The following HSD17B4 variants were observed in gnomAD, a reference collection of about 807,000 sequenced individuals.
HSD17B4 encodes the protein peroxisomal multifunctional enzyme type 2.
HSD17B4 carries 70 observed loss-of-function variants against 101.0 expected under a neutral mutation model. The ratio of observed to expected loss-of-function variants is 0.69; its 90% CI spans 0.57 to 0.85. HSD17B4 has a LOEUF of 0.85. Ranked by LOEUF, HSD17B4 falls within the 40% of genes least tolerant of loss-of-function variation. The probability of loss-of-function intolerance (pLI) is 0.00; values close to 1 mark genes in which losing one functional copy is unlikely to be tolerated. For missense variants in HSD17B4, 984 were observed against 892.4 expected, an observed-to-expected ratio of 1.10 and a Z score of -1.31; for synonymous variants, 347 against 297.1, an observed-to-expected ratio of 1.17 and a Z score of -1.73.
chr5:119,480,289 C>T (rs183820083), intron 8 of HSD17B4, among the ~76,000 whole-genome samples: 3 of 151,986 alleles, frequency 2.0e-5, no homozygotes, highest in East Asian at 1.9e-4. Context: ...GGCTTGTTAT[C>T]GGGGTCCTGC....
At chr5:119,501,217 T>A (rs974710710) in intron 13 of HSD17B4, among the ~76,000 whole-genome samples, 14 of 152,110 alleles carry the variant, frequency 9.2e-5, no homozygotes, top group Non-Finnish European at 1.5e-4. Context: ...GGAACTTGAA[T>A]CCTAGTCTTC....
At chr5:119,457,527 G>T (rs1754792733) in intron 2 of HSD17B4, among the ~76,000 whole-genome samples, 1 of 152,180 alleles carries the variant, frequency 6.6e-6, no homozygotes, top group African/African-American at 2.4e-5. Flanking sequence ...AATCCAATCT[G>T]CTTCTTCTGG....
At chr5:119,526,187 A>C (rs1190525537) in intron 19 of HSD17B4, among the ~76,000 whole-genome samples, 164 bp downstream of exon 19, 7 of 152,064 alleles carry the variant, frequency 4.6e-5, no homozygotes, top group South Asian at 4.1e-4. Context: ...TTTTGTAGCT[A>C]TAAATAGCTC....
chr5:119,515,551 TAAAG>T (rs1232198506), intron 17 of HSD17B4, among the ~76,000 whole-genome samples: 1 of 152,168 alleles, frequency 6.6e-6, no homozygotes, highest in African/African-American at 2.4e-5. Flanking sequence ...TTGTTTGACA[TAAAG>T]AATTTGTTTT....
At chr5:119,530,982 A>C (rs1186114568) in intron 21 of HSD17B4, among the ~76,000 whole-genome samples, 1 of 151,646 alleles carries the variant, frequency 6.6e-6, no homozygotes, top group Non-Finnish European at 1.5e-5. Context: ...GATTAATTTG[A>C]TCAGGATCTT....
At chr5:119,482,449 G>A (rs748487303) in intron 8 of HSD17B4, among the ~76,000 whole-genome samples, 89 of 152,026 alleles carry the variant, frequency 5.9e-4, no homozygotes, top group Non-Finnish European at 1.1e-3. Context: ...TGCCATATAT[G>A]AATCTGGTTC....
intron 9 of HSD17B4, 126 bp downstream of exon 9, chr5:119,489,409 G>C: frequency 1.4e-6 from 1 of 695,716 alleles, no homozygotes; most frequent in Non-Finnish European, 2.6e-6. Context: ...TAAAAGTGTT[G>C]ACTAATATCC....
intron 2 of HSD17B4, among the ~76,000 whole-genome samples, chr5:119,473,576 G>A (rs28447568): frequency 6.6e-6 from 1 of 151,912 alleles, no homozygotes; most frequent in Non-Finnish European, 1.5e-5. Flanking sequence ...TCCCACCTTA[G>A]CCTCTCAAAG....
rs1229766785 is a variant in HSD17B4, at chr5:119,469,232, C to T, written c.113-4676C>T. 2.7e-5 allele frequency among the ~76,000 whole-genome samples: 4 copies of T among 148,862 alleles called. No individual in the cohort carries two copies. The East Asian group carries it at 7.8e-4, about 29-fold the overall frequency. ...TTTCAGGAATTTCGTAGATTTTCTT[C>T]TATTTAGGTTTGTTACTGGAGAGTT... On this transcript the variant is annotated intron_variant, in intron 2 of 23. Coordinates refer to ENST00000510025, the MANE Select transcript of HSD17B4 (RefSeq NM_000414.4).
Position 119,468,055 on chromosome 5 carries a change from C to T in HSD17B4, c.113-5853C>T. 1.3e-5 allele frequency among the ~76,000 whole-genome samples: 2 copies of T among 152,056 alleles called. 1 individual carries two copies. On this transcript the variant is annotated intron_variant, in intron 2 of 23. Transcript: ENST00000510025. ...ATTCAAGATAAATAGGCAAGAACTT[C>T]TGTCATTTTGTTAATTGTTTTCTGT...
At chr5:119,475,040 A>G (rs966360778) in intron 4 of HSD17B4, among the ~76,000 whole-genome samples, 1 of 152,112 alleles carries the variant, frequency 6.6e-6, no homozygotes, top group African/African-American at 2.4e-5. Context: ...CAATCTGAAA[A>G]ACATTACTTA....
chr5:119,529,812 T>G, intron 20 of HSD17B4, 82 bp from the exon 21 acceptor site: 1 of 833,290 alleles, frequency 1.2e-6, no homozygotes, highest in Non-Finnish European at 2.0e-6. Flanking sequence ...AATAATAAAT[T>G]TTAAACTTTG....
chr5:119,495,943 G>C (rs1161710122), intron 11 of HSD17B4: 1 of 154,970 alleles, frequency 6.5e-6, no homozygotes, highest in African/African-American at 2.4e-5. Flanking sequence ...AGGGCCTTCA[G>C]AATATCTTAT....
chr5:119,478,939 T>A lies in HSD17B4; in HGVS notation c.540T>A (p.Ile180=). 1 of 1,613,682 alleles carries A rather than the reference T, an allele frequency of 6.2e-7. No individual in the cohort carries two copies. The highest frequency in any genetic ancestry group is 8.5e-7 in the Non-Finnish European group (1 of 1,179,700). ...TGGGCCTTGCAAATTCTCTTGCAAT[T>A]GAAGGCAGGAAAAGCAACATTCATT... ...GLLGLANSLA[I]EGRKSNIHCN... is the part of the protein sequence containing the mutation. Residue 180 remains isoleucine, a synonymous_variant, in exon 8 of 24, where the codon ATT becomes ATA. Coordinates refer to ENST00000510025, the MANE Select transcript of HSD17B4 (RefSeq NM_000414.4).
chr5:119,525,815 C>T, intron 18 of HSD17B4, 102 bp from the exon 19 acceptor site: 1 of 757,074 alleles, frequency 1.3e-6, no homozygotes, highest in Non-Finnish European at 2.4e-6. Context: ...ATAATTCCTG[C>T]TAATGCAGTC....
intron 22 of HSD17B4, among the ~76,000 whole-genome samples, chr5:119,534,776 T>A (rs1485016760): frequency 6.6e-6 from 1 of 152,068 alleles, no homozygotes; most frequent in African/African-American, 2.4e-5. Flanking sequence ...GTTGGAGGTG[T>A]ATCTGCCTCA....
chr5:119,524,268 A>G (rs1753376394), intron 17 of HSD17B4, among the ~76,000 whole-genome samples: 1 of 152,110 alleles, frequency 6.6e-6, no homozygotes, highest in African/African-American at 2.4e-5. Context: ...AGCATATTAA[A>G]AAGAATGATG....
chr5:119,484,268 C>T (rs530339663), intron 8 of HSD17B4, among the ~76,000 whole-genome samples: 3 of 152,300 alleles, frequency 2.0e-5, no homozygotes, highest in Admixed American at 6.5e-5. Context: ...ATAGACTATT[C>T]CTCATTCTTG....
At chr5:119,456,502 T>A (rs955160227) in intron 2 of HSD17B4, 134 bp downstream of exon 2, 1 of 703,558 alleles carries the variant, frequency 1.4e-6, no homozygotes, top group Admixed American at 2.4e-5. Context: ...TGCCAGAAGG[T>A]TTTTACCCCG....
Sources: allele counts gnomAD v4.1 joint callset (sites outside exome capture counted in the v4.1 genomes callset), GRCh38; gene constraint gnomAD v4.1.1; transcripts MANE v1.5; gene names NCBI Gene and HGNC (gene_info 2026-07-23, HGNC 2026-07-21).